Variants in BEND5 observed in about 807,000 individuals in gnomAD.
BEND5 encodes the protein BEN domain containing 5, also known as BEN domain-containing protein 5.
Under a neutral mutation model 43.9 loss-of-function variants are expected in BEND5, and 22 were observed. The ratio of observed to expected loss-of-function variants is 0.50; its 90% CI spans 0.36 to 0.72. The LOEUF (loss-of-function observed/expected upper bound fraction) is 0.72, where lower values mean the gene tolerates loss of function less well. Among genes scored for constraint, BEND5 ranks in the 30% least tolerant of loss-of-function variants. BEND5 has a pLI of 0.00. For missense variants in BEND5, 428 were observed against 550.6 expected (o/e 0.78, Z 2.23); for synonymous variants, 228 against 225.9 (o/e 1.01, Z -0.08).
At chr1:48,734,655 G>A (rs564764767) in intron 5 of BEND5, among the ~76,000 whole-genome samples, 2 of 152,266 alleles carry the variant, frequency 1.3e-5, no homozygotes, top group South Asian at 4.2e-4. Context: ...TATTCTGCCT[G>A]ATTTGCCACC....
chr1:48,775,149 C>T (rs1233658667), intron 1 of BEND5, among the ~76,000 whole-genome samples: 1 of 152,188 alleles, frequency 6.6e-6, no homozygotes, highest in African/African-American at 2.4e-5. Flanking sequence ...GCTTCCCCTC[C>T]CTCAGTTTCT....
intron 1 of BEND5, among the ~76,000 whole-genome samples, chr1:48,762,612 TTTTG>T (rs1479740771): frequency 0.011 from 1,443 of 127,876 alleles, 13 homozygotes; most frequent in East Asian, 0.028. Flanking sequence ...TCTTTAAGGG[TTTTG>T]TGTGTGTGTG....
intron 3 of BEND5, among the ~76,000 whole-genome samples, chr1:48,750,623 T>C (rs1007799057): frequency 2.0e-5 from 3 of 152,208 alleles, no homozygotes; most frequent in Non-Finnish European, 4.4e-5. Context: ...AACAATTTGA[T>C]TTCTCCGTGC....
At chr1:48,772,314 G>A (rs1284099238) in intron 1 of BEND5, among the ~76,000 whole-genome samples, 4 of 152,220 alleles carry the variant, frequency 2.6e-5, no homozygotes, top group Admixed American at 2.6e-4. Context: ...TACCACTGAA[G>A]CAAGGTCTCC....
intron 1 of BEND5, among the ~76,000 whole-genome samples, chr1:48,776,110 GA>G (rs2148708630): frequency 6.6e-6 from 1 of 152,286 alleles, no homozygotes; most frequent in Non-Finnish European, 1.5e-5. Flanking sequence ...CTCCCACCTA[GA>G]AGATCTGACA....
intron 1 of BEND5, among the ~76,000 whole-genome samples, chr1:48,766,312 A>G (rs1281420377): frequency 6.6e-6 from 1 of 152,212 alleles, no homozygotes; most frequent in African/African-American, 2.4e-5. Flanking sequence ...TGTGCTATAG[A>G]TCTATGTGCC....
At chr1:48,752,202 G>C (rs917514767) in intron 3 of BEND5, among the ~76,000 whole-genome samples, 7 of 152,112 alleles carry the variant, frequency 4.6e-5, no homozygotes, top group African/African-American at 1.7e-4. Flanking sequence ...CTTTCTCAAA[G>C]CCCAACTTTT....
intron 3 of BEND5, among the ~76,000 whole-genome samples, chr1:48,755,117 A>G (rs1652345495): frequency 6.6e-6 from 1 of 152,192 alleles, no homozygotes; most frequent in Non-Finnish European, 1.5e-5. Flanking sequence ...CCTCTGAAAC[A>G]TACTCTCTTG....
At chr1:48,731,940 G>A (rs567250499) in intron 5 of BEND5, among the ~76,000 whole-genome samples, 1 of 152,294 alleles carries the variant, frequency 6.6e-6, no homozygotes, top group East Asian at 1.9e-4. Context: ...GAGGAGTCTG[G>A]AAGCTGCCAG....
At chr1:48,737,197 T>G (rs1335853756) in intron 4 of BEND5, among the ~76,000 whole-genome samples, 1 of 151,926 alleles carries the variant, frequency 6.6e-6, no homozygotes, top group African/African-American at 2.4e-5. Flanking sequence ...GGCAAGAGAA[T>G]CGCTTGAACC....
At chr1:48,760,372 G>A (rs2148659898) in intron 2 of BEND5, among the ~76,000 whole-genome samples, 1 of 152,324 alleles carries the variant, frequency 6.6e-6, no homozygotes, top group South Asian at 2.1e-4. Context: ...GCAGTTCTAA[G>A]TTTCAGGAAA....
At chr1:48,747,234 G>A (rs1650912633) in intron 3 of BEND5, among the ~76,000 whole-genome samples, 1 of 152,160 alleles carries the variant, frequency 6.6e-6, no homozygotes, top group African/African-American at 2.4e-5. Context: ...TTTGTGGGAA[G>A]AGTAGGAATT....
chr1:48,738,940 G>A (rs189985170), intron 4 of BEND5, among the ~76,000 whole-genome samples: 351 of 152,282 alleles, frequency 2.3e-3, no homozygotes, highest in Non-Finnish European at 4.1e-3. Flanking sequence ...GAGATTCAGA[G>A]GGACTATGTA....
rs769408885 is a variant in BEND5 at position 48,758,977 on chromosome 1, GC to G, written c.667del (p.Ala223HisfsTer6). On this transcript the variant is annotated frameshift_variant, in exon 3 of 6. Coordinates refer to ENST00000371833, the MANE Select transcript of BEND5 (RefSeq NM_024603.4). LOFTEE classifies it high-confidence loss of function. ...QQAKKLKEYG[A>X]LVSEMKELRD... ...GAGCTCCTTCATTTCAGACACAAGT[GC>G]CCCGTACTCCTTGAGCTTCTTGGCC... The G allele has an allele frequency of 6.2e-7, 1 of 1,612,536 alleles. No homozygotes were observed. The highest frequency in any genetic ancestry group is 8.5e-7 in the Non-Finnish European group (1 of 1,179,440).
rs150567907 is a variant in BEND5 at position 48,765,087 on chromosome 1, T to A, written c.227-3617A>T. Among the ~76,000 whole-genome samples, 63 of 152,242 alleles carry A rather than the reference T, an allele frequency of 4.1e-4. 1 individual carries two copies. Among genetic ancestry groups the A allele is most frequent in the Non-Finnish European group, 4.9e-4 (33 of 68,030 alleles). On this transcript the variant is annotated intron_variant, in intron 1 of 5. Coordinates refer to ENST00000371833, the MANE Select transcript of BEND5 (RefSeq NM_024603.4). ...GCTTAGCTTCCACTCATCTCCTCCCTCCCTCTCAAAGATGCATTACACATC... is the reference window on the plus strand; with the variant it reads ...GCTTAGCTTCCACTCATCTCCTCCCACCCTCTCAAAGATGCATTACACATC...
chr1:48,728,297 T>C (rs1472418769), intron 5 of BEND5, among the ~76,000 whole-genome samples: 1 of 152,104 alleles, frequency 6.6e-6, no homozygotes, highest in East Asian at 1.9e-4. Context: ...ATACTATTGG[T>C]TCCTCCCAAG....
intron 1 of BEND5, among the ~76,000 whole-genome samples, chr1:48,768,884 G>A (rs1422006679): frequency 6.6e-6 from 1 of 152,126 alleles, no homozygotes; most frequent in Non-Finnish European, 1.5e-5. Context: ...GCATTCTCTG[G>A]CCGATGGTGT....
At chr1:48,739,140 T>A (rs1325255297) in intron 4 of BEND5, among the ~76,000 whole-genome samples, 1 of 152,160 alleles carries the variant, frequency 6.6e-6, no homozygotes, top group Non-Finnish European at 1.5e-5. Flanking sequence ...CCTGGCTACT[T>A]CCCACACCAG....
At chr1:48,737,789 T>TA (rs893719280) in intron 4 of BEND5, among the ~76,000 whole-genome samples, 23 of 152,236 alleles carry the variant, frequency 1.5e-4, no homozygotes, top group African/African-American at 5.3e-4. Context: ...CATTAATCAT[T>TA]AAAAAAACAG....
Sources: allele counts gnomAD v4.1 joint callset (sites outside exome capture counted in the v4.1 genomes callset), GRCh38; gene constraint gnomAD v4.1.1; transcripts MANE v1.5; gene names NCBI Gene and HGNC (gene_info 2026-07-23, HGNC 2026-07-21).